The following SMOC1 variants were observed in gnomAD, a reference collection of about 807,000 sequenced individuals.
SMOC1 encodes SPARC-related modular calcium-binding protein 1.
In SMOC1, 22 loss-of-function variants were observed where a neutral mutation model predicts 56.3. The ratio of observed to expected loss-of-function variants is 0.39; its 90% CI spans 0.28 to 0.56. SMOC1 has a LOEUF of 0.56. SMOC1 is among the 20% of genes least tolerant of loss of function. The probability of loss-of-function intolerance (pLI) is 0.61; values close to 1 mark genes in which losing one functional copy is unlikely to be tolerated. For synonymous variants in SMOC1, 193 were observed against 215.0 expected (o/e 0.90, Z 0.89); for missense variants, 509 against 565.4 (o/e 0.90, Z 1.01).
At chr14:69,985,560 A>G (rs1884336144) in intron 5 of SMOC1, among the ~76,000 whole-genome samples, 1 of 152,208 alleles carries the variant, frequency 6.6e-6, no homozygotes, top group Non-Finnish European at 1.5e-5. Flanking sequence ...CCCACGGCCA[A>G]CCATGGTCTG....
At chr14:69,948,774 T>C (rs1882887260) in intron 1 of SMOC1, among the ~76,000 whole-genome samples, 1 of 152,198 alleles carries the variant, frequency 6.6e-6, no homozygotes. Flanking sequence ...ATGTTAATAA[T>C]TGAATCTTCA....
chr14:69,961,272 GTATATATATATATA>G lies in SMOC1; in HGVS notation c.378+7774_378+7787del, dbSNP rs35703501. 8.4e-3 allele frequency among the ~76,000 whole-genome samples: 632 copies of G among 74,988 alleles called. 14 individuals carry two copies. The highest frequency in any genetic ancestry group is 0.045 in the South Asian group (81 of 1,812). 49.2% of individuals were successfully genotyped at this position (74,988 alleles called of 152,430 possible). On this transcript the variant is annotated intron_variant, in intron 3 of 11. Transcript: ENST00000361956. ...TTATTGTCAAGCAATATTCTATTGT[GTATATATATATATA>G]TATATATATATATATATATATATAT...
chr14:69,891,827 A>G (rs1883970486), intron 1 of SMOC1, among the ~76,000 whole-genome samples: 1 of 152,232 alleles, frequency 6.6e-6, no homozygotes, highest in Non-Finnish European at 1.5e-5. Context: ...AATTTCAGAT[A>G]AACGACAAAT....
chr14:69,914,865 T>TATTC (rs10699853), intron 1 of SMOC1, among the ~76,000 whole-genome samples: 28,650 of 149,316 alleles, frequency 0.19, 2,858 homozygotes, highest in Non-Finnish European at 0.21. Flanking sequence ...TAATTTATTT[T>TATTC]ATTCATTCAT....
chr14:69,907,171 C>T (rs892778424), intron 1 of SMOC1, among the ~76,000 whole-genome samples: 2 of 152,048 alleles, frequency 1.3e-5, no homozygotes, highest in African/African-American at 2.4e-5. Context: ...TCTGGGCTGC[C>T]AGAACTTAAA....
chr14:69,879,526 T>G lies in SMOC1; in HGVS notation c.-153T>G, dbSNP rs1883570167. 1.9e-6 allele frequency: 1 copy of G among 514,302 alleles called. No individual in the cohort carries two copies. Among genetic ancestry groups the G allele is most frequent in the Non-Finnish European group, 3.2e-6 (1 of 317,386 alleles). 31.9% of individuals were successfully genotyped at this position (514,302 alleles called of 1,614,324 possible). ...CTGCGCGGTTCATGACTGTGTCCCC[T>G]GACCGCAGCCTCTGCGAGCCCCCGC... On this transcript the variant is annotated 5_prime_UTR_variant, in exon 1 of 12. Coordinates refer to ENST00000361956, the MANE Select transcript of SMOC1 (RefSeq NM_001034852.3).
chr14:70,010,280 C>G (rs1263448450), intron 7 of SMOC1, among the ~76,000 whole-genome samples: 2 of 152,230 alleles, frequency 1.3e-5, no homozygotes, highest in Non-Finnish European at 2.9e-5. Flanking sequence ...CTGATGGCCA[C>G]GGCTCCATCA....
At chr14:69,918,974 G>T (rs867620333) in intron 1 of SMOC1, among the ~76,000 whole-genome samples, 2 of 152,088 alleles carry the variant, frequency 1.3e-5, no homozygotes, top group Non-Finnish European at 1.5e-5. Flanking sequence ...GTGATCGTGG[G>T]TTTTTTTGTT....
intron 1 of SMOC1, among the ~76,000 whole-genome samples, chr14:69,937,557 G>A (rs1236788723): frequency 1.3e-5 from 2 of 152,150 alleles, no homozygotes; most frequent in African/African-American, 2.4e-5. Context: ...GCTCAGAACA[G>A]CCTCACAGTT....
At chr14:69,969,071 T>G (rs576698360) in intron 3 of SMOC1, among the ~76,000 whole-genome samples, 1 of 152,278 alleles carries the variant, frequency 6.6e-6, no homozygotes, top group South Asian at 2.1e-4. Flanking sequence ...TCAAGCATAG[T>G]GAACTGAGAG....
At chr14:69,998,533 T>C (rs1292733089) in intron 7 of SMOC1, among the ~76,000 whole-genome samples, 2 of 152,148 alleles carry the variant, frequency 1.3e-5, no homozygotes. Context: ...GATAAAGATA[T>C]GAAATAAGTG....
intron 1 of SMOC1, among the ~76,000 whole-genome samples, chr14:69,905,982 C>T (rs956265718): frequency 2.7e-5 from 4 of 150,442 alleles, no homozygotes; most frequent in South Asian, 2.1e-4. Context: ...AGATGGGAGT[C>T]GGTGTGGATA....
rs768881119 is a variant in SMOC1, at chr14:70,011,467, A to G, written c.858-18A>G. ...TTGCCAGCCCCTCCCAACCCCCCCC[A>G]TATCTCTCTTTTCCCAGCTACGTGA... On this transcript the variant is annotated intron_variant, in intron 8 of 11. Coordinates refer to ENST00000361956, the MANE Select transcript of SMOC1 (RefSeq NM_001034852.3). The G allele has an allele frequency of 2.8e-6, 2 of 715,458 alleles. No individual in the cohort carries two copies. Among genetic ancestry groups the G allele is most frequent in the Admixed American group, 2.3e-5 (1 of 44,114 alleles). The allele number at this position is 715,458 out of a possible 1,614,324, so 44.3% of individuals were successfully genotyped here. A position where few individuals can be genotyped will look rare whatever the true frequency, so the allele number is the denominator to read the frequency against.
chr14:69,986,085 T>C (rs983373496), intron 5 of SMOC1, among the ~76,000 whole-genome samples: 1 of 152,140 alleles, frequency 6.6e-6, no homozygotes, highest in African/African-American at 2.4e-5. Flanking sequence ...AGGAATGAAT[T>C]GTTGATATAT....
chr14:69,882,613 C>CAT (rs1883674356), intron 1 of SMOC1, among the ~76,000 whole-genome samples: 2 of 152,158 alleles, frequency 1.3e-5, no homozygotes, highest in Admixed American at 1.3e-4. Context: ...GCAGCCGTTT[C>CAT]TTTAATCCTG....
intron 10 of SMOC1, among the ~76,000 whole-genome samples, chr14:70,020,601 T>A (rs1885678706): frequency 1.3e-5 from 2 of 152,144 alleles, no homozygotes; most frequent in Admixed American, 1.3e-4. Context: ...GGATCTCTCC[T>A]GAGGAAGTGA....
chr14:70,014,037 A>C (rs1274772710), intron 10 of SMOC1, among the ~76,000 whole-genome samples: 1 of 152,188 alleles, frequency 6.6e-6, no homozygotes, highest in Non-Finnish European at 1.5e-5. Flanking sequence ...TGAAATGCAC[A>C]TGCTCCCCAG....
chr14:69,890,296 G>A (rs573178753), intron 1 of SMOC1, among the ~76,000 whole-genome samples: 1 of 152,272 alleles, frequency 6.6e-6, no homozygotes, highest in South Asian at 2.1e-4. Context: ...AGGTAGATAT[G>A]TCTTTCCTTA....
chr14:69,989,384 G>T (rs1884483153), intron 5 of SMOC1, among the ~76,000 whole-genome samples: 1 of 152,162 alleles, frequency 6.6e-6, no homozygotes, highest in African/African-American at 2.4e-5. Flanking sequence ...AAATAAGGTT[G>T]CTTGTTATTG....
Sources: gnomAD v4.1 joint callset for allele counts (sites outside exome capture counted in the v4.1 genomes callset) on GRCh38, gnomAD v4.1.1 for gene constraint, MANE v1.5 for transcripts, NCBI Gene and HGNC (gene_info 2026-07-23, HGNC 2026-07-21) for gene names.